The following PLCB1 variants were observed in gnomAD, a reference collection of about 807,000 sequenced individuals.
The protein encoded by PLCB1 is 1-phosphatidylinositol 4,5-bisphosphate phosphodiesterase beta-1.
Under a neutral mutation model 161.8 loss-of-function variants are expected in PLCB1, and 46 were observed. The ratio of observed to expected loss-of-function variants is 0.28; its 90% CI spans 0.22 to 0.36. The LOEUF (loss-of-function observed/expected upper bound fraction) is 0.36. Among genes scored for constraint, PLCB1 ranks in the 10% least tolerant of loss-of-function variants. PLCB1 has a pLI of 1.00. For synonymous variants in PLCB1, 517 were observed against 503.7 expected, an observed-to-expected ratio of 1.03 and a Z score of -0.35; for missense variants, 1,016 against 1,472.5, an observed-to-expected ratio of 0.69 and a Z score of 5.07.
intron 2 of PLCB1, among the ~76,000 whole-genome samples, chr20:8,330,399 A>G (rs1229162629): frequency 6.6e-6 from 1 of 152,228 alleles, no homozygotes; most frequent in African/African-American, 2.4e-5. Flanking sequence ...ACACTCAAGA[A>G]GCTGCATTTT....
chr20:8,554,427 A>G (rs1488507617), intron 3 of PLCB1, among the ~76,000 whole-genome samples: 1 of 152,190 alleles, frequency 6.6e-6, no homozygotes, highest in Non-Finnish European at 1.5e-5. Flanking sequence ...TCAGCTATAA[A>G]TAAAAATGAA....
intron 3 of PLCB1, among the ~76,000 whole-genome samples, chr20:8,483,070 T>C (rs377632462): frequency 1.3e-5 from 2 of 152,332 alleles, no homozygotes; most frequent in South Asian, 2.1e-4. Flanking sequence ...GAGAAGGCCA[T>C]AGCCCTGGTT....
chr20:8,163,395 T>A (rs1254477776), intron 2 of PLCB1, among the ~76,000 whole-genome samples: 1 of 152,144 alleles, frequency 6.6e-6, no homozygotes, highest in African/African-American at 2.4e-5. Flanking sequence ...GGCCCTAGGC[T>A]TTGAGAAATC....
intron 31 of PLCB1, among the ~76,000 whole-genome samples, chr20:8,835,127 G>T (rs763385643): frequency 4.6e-5 from 7 of 151,816 alleles, no homozygotes; most frequent in Non-Finnish European, 1.0e-4. Flanking sequence ...ACCATAACAG[G>T]AGAGGAGTTG....
intron 2 of PLCB1, among the ~76,000 whole-genome samples, chr20:8,216,684 C>G (rs572102854): frequency 6.6e-6 from 1 of 152,128 alleles, no homozygotes; most frequent in South Asian, 2.1e-4. Context: ...GAAAAGGCCC[C>G]ACAAATCCTC....
chr20:8,727,280 C>T lies in PLCB1; in HGVS notation c.1679-29C>T, dbSNP rs1015170. 0.41 allele frequency: 484,412 copies of T among 1,189,328 alleles called. 103,715 individuals carry two copies. The highest frequency in any genetic ancestry group is 0.77 in the East Asian group (33,162 of 42,816). The allele number at this position is 1,189,328 out of a possible 1,614,324, so 73.7% of individuals were successfully genotyped here. ...AATGAATTGTATTTCTCACCTTCCC[C>T]TTTTTTGTTTTGTTGTTGCTTAACT... On this transcript the variant is annotated intron_variant, in intron 16 of 31. Transcript: ENST00000338037.
chr20:8,731,841 A>T (rs1980264345), intron 18 of PLCB1, among the ~76,000 whole-genome samples: 1 of 151,834 alleles, frequency 6.6e-6, no homozygotes, highest in Non-Finnish European at 1.5e-5. Context: ...AATTTTGTCC[A>T]ATTTTGACAT....
chr20:8,376,556 AG>A (rs1211859986), intron 3 of PLCB1, among the ~76,000 whole-genome samples: 1 of 152,236 alleles, frequency 6.6e-6, no homozygotes, highest in Non-Finnish European at 1.5e-5. Context: ...ATGAACAAAA[AG>A]ACAAACAGCT....
At chr20:8,238,055 G>A (rs992735740) in intron 2 of PLCB1, among the ~76,000 whole-genome samples, 4 of 152,038 alleles carry the variant, frequency 2.6e-5, no homozygotes, top group Admixed American at 6.6e-5. Flanking sequence ...GAAACTCAAC[G>A]AAATCTTTTC....
intron 3 of PLCB1, among the ~76,000 whole-genome samples, chr20:8,420,219 G>A (rs1418393656): frequency 6.6e-6 from 1 of 152,090 alleles, no homozygotes; most frequent in African/African-American, 2.4e-5. Flanking sequence ...ACAATCAGGT[G>A]GAGATAAGAC....
At chr20:8,831,318 T>C (rs2146277597) in intron 31 of PLCB1, 1 of 153,190 alleles carries the variant, frequency 6.5e-6, no homozygotes, top group East Asian at 1.9e-4. Context: ...ACCTCAACTC[T>C]GCACATGCAT....
chr20:8,287,295 A>G (rs2123295119), intron 2 of PLCB1, among the ~76,000 whole-genome samples: 1 of 152,306 alleles, frequency 6.6e-6, no homozygotes, highest in African/African-American at 2.4e-5. Context: ...GATATAATAT[A>G]TACATGTACA....
intron 2 of PLCB1, among the ~76,000 whole-genome samples, chr20:8,216,568 G>A (rs945726036): frequency 6.6e-6 from 1 of 152,066 alleles, no homozygotes; most frequent in African/African-American, 2.4e-5. Context: ...GATAGAAAGT[G>A]GGTATGGTTG....
In PLCB1 at chr20:8,414,598, A is replaced by G. The variant is rs1243196899; in HGVS notation, c.246+43148A>G. Among the ~76,000 whole-genome samples the G allele has an allele frequency of 2.6e-5, 4 of 152,318 alleles. No homozygotes were observed. In the South Asian group the frequency reaches 6.2e-4, roughly 24 times the overall value. On this transcript the variant is annotated intron_variant, in intron 3 of 31. Transcript: ENST00000338037. ...GAAAGATTAAAACAATCAAAAATCA[A>G]AGAAATGTAAAGTATTACTTGAGAA... is the stretch of plus-strand genomic sequence containing the variant.
chr20:8,218,442 C>T (rs1979243826), intron 2 of PLCB1, among the ~76,000 whole-genome samples: 1 of 152,234 alleles, frequency 6.6e-6, no homozygotes, highest in South Asian at 2.1e-4. Context: ...ATTCTGGAGC[C>T]AGACTGCCTA....
At chr20:8,288,365 C>T (rs555412298) in intron 2 of PLCB1, among the ~76,000 whole-genome samples, 132 of 152,194 alleles carry the variant, frequency 8.7e-4, no homozygotes, top group Admixed American at 1.8e-3. Context: ...TTTTGTCAGA[C>T]GGTCTAGAAG....
At chr20:8,510,290 C>G (rs936381035) in intron 3 of PLCB1, among the ~76,000 whole-genome samples, 3 of 151,940 alleles carry the variant, frequency 2.0e-5, no homozygotes, top group African/African-American at 7.2e-5. Flanking sequence ...TTGAAATTTT[C>G]CATAAGCTAA....
chr20:8,762,067 C>T (rs939904421), intron 25 of PLCB1, among the ~76,000 whole-genome samples: 4 of 151,712 alleles, frequency 2.6e-5, no homozygotes, highest in Non-Finnish European at 4.4e-5. Context: ...CAAAATTAAC[C>T]GCTGTGGTGG....
intron 24 of PLCB1, among the ~76,000 whole-genome samples, chr20:8,757,879 A>G (rs1981820297): frequency 6.6e-6 from 1 of 151,840 alleles, no homozygotes; most frequent in Admixed American, 6.6e-5. Flanking sequence ...AAATAAATAA[A>G]TAAATAAATA....
Sources: allele counts gnomAD v4.1 joint callset (sites outside exome capture counted in the v4.1 genomes callset), GRCh38; gene constraint gnomAD v4.1.1; transcripts MANE v1.5; gene names NCBI Gene and HGNC (gene_info 2026-07-23, HGNC 2026-07-21).